Variants in SEMA4F observed in about 807,000 individuals in gnomAD.
The protein encoded by SEMA4F is ssemaphorin 4F, also known as semaphorin-4F.
A neutral mutation model predicts 78.4 loss-of-function variants in SEMA4F; 51 were observed. The ratio of observed to expected loss-of-function variants is 0.65; its 90% CI spans 0.52 to 0.82. SEMA4F has a LOEUF of 0.82. SEMA4F is among the 40% of genes least tolerant of loss of function. SEMA4F has a pLI of 0.00. For synonymous variants in SEMA4F, 418 were observed against 408.7 expected (o/e 1.02, Z -0.27); for missense variants, 938 against 1,014.4 (o/e 0.92, Z 1.02).
chr2:74,659,202 C>T (rs1471392011), intron 4 of SEMA4F, among the ~76,000 whole-genome samples: 2 of 152,160 alleles, frequency 1.3e-5, no homozygotes, highest in Admixed American at 1.3e-4. Flanking sequence ...CTACAGTTCT[C>T]CTTAAGTTTA....
chr2:74,676,972 G>C lies in SEMA4F; in HGVS notation c.1643+1063G>C, dbSNP rs139390870. 3.3e-5 allele frequency among the ~76,000 whole-genome samples: 5 copies of C among 152,216 alleles called. 1 individual carries two copies. In the East Asian group the frequency reaches 9.7e-4, roughly 29 times the overall value. The stretch of plus-strand genomic sequence containing the variant: ...GCTGGGGTACAGTGACGCCATCTCG[G>C]CTCACTGCAACCTCTGCCTCCCTTA... On this transcript the variant is annotated intron_variant, in intron 12 of 13. Coordinates refer to ENST00000357877, the MANE Select transcript of SEMA4F (RefSeq NM_004263.5).
the SEMA4F span, among the ~76,000 whole-genome samples, chr2:74,709,119 T>C: frequency 6.6e-6 from 1 of 152,216 alleles, no homozygotes; most frequent in Non-Finnish European, 1.5e-5. Flanking sequence ...GAGCTGTGAT[T>C]GCATAATTCA....
intron 7 of SEMA4F, 74 bp from the exon 8 acceptor site, chr2:74,674,424 C>T: frequency 7.0e-7 from 1 of 1,427,400 alleles, no homozygotes; most frequent in Non-Finnish European, 9.5e-7. Flanking sequence ...AGGGAGGAAA[C>T]TTAAATTGGT....
chr2:74,666,355 T>G (rs548753445), intron 5 of SEMA4F, among the ~76,000 whole-genome samples: 2 of 152,238 alleles, frequency 1.3e-5, no homozygotes, highest in Admixed American at 6.5e-5. Flanking sequence ...GAATACAAAT[T>G]CCATAAAGAT....
intron 12 of SEMA4F, 82 bp downstream of exon 12, chr2:74,675,991 GCTGCC>G: frequency 6.9e-7 from 1 of 1,459,676 alleles, no homozygotes; most frequent in East Asian, 2.3e-5. Context: ...ATCTGTTAAT[GCTGCC>G]CTGCCGGAGG....
At chr2:74,708,134 A>G in the SEMA4F span, among the ~76,000 whole-genome samples, 1 of 150,356 alleles carries the variant, frequency 6.7e-6, no homozygotes, top group Admixed American at 6.6e-5. Flanking sequence ...GCACCCTTGA[A>G]AAAAAAAATC....
chr2:74,693,130 A>G, the SEMA4F span, among the ~76,000 whole-genome samples: 1 of 152,230 alleles, frequency 6.6e-6, no homozygotes, highest in Admixed American at 6.5e-5. Flanking sequence ...ATAGTATGAT[A>G]CTATTTTGTA....
intron 1 of SEMA4F, 73 bp from the exon 2 acceptor site, chr2:74,656,461 C>T (rs1684140956): frequency 6.6e-7 from 1 of 1,504,422 alleles, no homozygotes; most frequent in African/African-American, 1.4e-5. Flanking sequence ...AAAATTGGCC[C>T]CTTTGGTTTT....
intron 4 of SEMA4F, among the ~76,000 whole-genome samples, chr2:74,660,275 G>A (rs1305663942): frequency 6.6e-6 from 1 of 152,238 alleles, no homozygotes; most frequent in Non-Finnish European, 1.5e-5. Flanking sequence ...ACCTGTGTTT[G>A]TCTCTGGCTC....
downstream of SEMA4F, among the ~76,000 whole-genome samples, chr2:74,688,114 A>G (rs930268066): frequency 1.3e-5 from 2 of 152,216 alleles, no homozygotes; most frequent in Admixed American, 6.5e-5. Context: ...CGAAGGAGAA[A>G]TAACTTGCTC....
chr2:74,661,916 G>A (rs1356856883), intron 4 of SEMA4F, among the ~76,000 whole-genome samples: 1 of 152,128 alleles, frequency 6.6e-6, no homozygotes, highest in East Asian at 1.9e-4. Flanking sequence ...CTCTCAACCA[G>A]CCACTGTTAA....
rs764418055 is a variant in SEMA4F, at chr2:74,675,853, CTG to C, written c.1590_1591del (p.Ala531LeufsTer7). Reference sequence around the variant, plus strand: ...AGTGCATCCTGGCCCAGGACCCAGTCTGTGCCTGGAGCTTCCGGCTGGATGAG... The same window carrying C: ...AGTGCATCCTGGCCCAGGACCCAGTCTGCCTGGAGCTTCCGGCTGGATGAG... ...SECILAQDPV[C>X]AWSFRLDECV... is the part of the protein sequence containing the mutation. On this transcript the variant is annotated frameshift_variant, in exon 12 of 14. Transcript: ENST00000357877. LOFTEE classifies it high-confidence loss of function. 11 of 1,614,148 alleles carry C rather than the reference CTG, an allele frequency of 6.8e-6. No homozygotes were observed. The African/African-American group carries it at 1.5e-4, about 22-fold the overall frequency.
the SEMA4F span, among the ~76,000 whole-genome samples, chr2:74,690,129 G>A: frequency 5.9e-5 from 9 of 152,110 alleles, no homozygotes; most frequent in African/African-American, 9.7e-5. Context: ...AACACCCCAC[G>A]GTTCCCCATG....
Position 74,681,379 on chromosome 2 carries a change from A to G in SEMA4F, c.*1170A>G, listed in dbSNP as rs1377117252. Reference sequence around the variant, plus strand: ...TGTCAGATTTTCAAGGCCTTAACAAAGTTAAAGGACCACTGCCCTGAGGTT... The same window carrying G: ...TGTCAGATTTTCAAGGCCTTAACAAGGTTAAAGGACCACTGCCCTGAGGTT... On this transcript the variant is annotated 3_prime_UTR_variant, in exon 14 of 14. Coordinates refer to ENST00000357877, the MANE Select transcript of SEMA4F (RefSeq NM_004263.5). The G allele has an allele frequency of 6.6e-6, 1 of 152,638 alleles. No homozygotes were observed. Among genetic ancestry groups the G allele is most frequent in the East Asian group, 1.9e-4 (1 of 5,192 alleles). The allele number at this position is 152,638 out of a possible 1,614,324, so 9.5% of individuals were successfully genotyped here. A position where few individuals can be genotyped will look rare whatever the true frequency, so the allele number is the denominator to read the frequency against.
At chr2:74,690,051 C>G in the SEMA4F span, among the ~76,000 whole-genome samples, 2 of 152,162 alleles carry the variant, frequency 1.3e-5, no homozygotes, top group Non-Finnish European at 2.9e-5. Flanking sequence ...CTTCCTTAAA[C>G]CCTTCTGCAA....
rs1000274053 is a variant in SEMA4F at position 74,680,463 on chromosome 2, A to G, written c.*254A>G. ...ATCAGGGCTTCCCCCTAACATCTGAACTCCTGTAAACCTTCATCCCTGGCC... is the reference window on the plus strand; with the variant it reads ...ATCAGGGCTTCCCCCTAACATCTGAGCTCCTGTAAACCTTCATCCCTGGCC... On this transcript the variant is annotated 3_prime_UTR_variant, in exon 14 of 14. Coordinates refer to ENST00000357877, the MANE Select transcript of SEMA4F (RefSeq NM_004263.5). The G allele has an allele frequency of 8.9e-5, 36 of 406,624 alleles. No individual in the cohort carries two copies. The highest frequency in any genetic ancestry group is 1.4e-4 in the Non-Finnish European group (31 of 229,558). The allele number at this position is 406,624 out of a possible 1,614,324, so 25.2% of individuals were successfully genotyped here.
the SEMA4F span, among the ~76,000 whole-genome samples, chr2:74,709,110 A>T: frequency 2.0e-5 from 3 of 152,222 alleles, no homozygotes; most frequent in African/African-American, 7.2e-5. Context: ...GGTTGCGGTG[A>T]GCTGTGATTG....
chr2:74,656,654 C>G lies in SEMA4F; in HGVS notation c.266C>G (p.Ser89Cys), dbSNP rs747799198. The change falls in exon 2 of 14, where the codon TCC becomes TGC. Residue 89 changes from serine to cysteine, a missense_variant. Physicochemically the swap from Ser to Cys is moderately radical, Grantham distance 112. Transcript: ENST00000357877. ...VGARDTIFAL[S>C]LPFSGERPRR... ...GCCCGGGACACCATCTTCGCTTTAT[C>G]CCTGCCCTTCTCAGGGGAGAGACCC... is the stretch of plus-strand genomic sequence containing the variant. 4 of 1,614,202 alleles carry G rather than the reference C, an allele frequency of 2.5e-6. No homozygotes were observed. The highest frequency in any genetic ancestry group is 2.5e-6 in the Non-Finnish European group (3 of 1,180,040).
the SEMA4F span, among the ~76,000 whole-genome samples, chr2:74,693,289 A>G: frequency 6.6e-6 from 1 of 152,246 alleles, no homozygotes; most frequent in African/African-American, 2.4e-5. Context: ...TTTGAAAATA[A>G]TACATTTGTT....
Sources: gnomAD v4.1 joint callset for allele counts (sites outside exome capture counted in the v4.1 genomes callset) on GRCh38, gnomAD v4.1.1 for gene constraint, MANE v1.5 for transcripts, NCBI Gene and HGNC (gene_info 2026-07-23, HGNC 2026-07-21) for gene names.